The following PITRM1 variants were observed in gnomAD, a reference collection of about 807,000 sequenced individuals.
PITRM1 encodes pitrilysin metallopeptidase 1.
A neutral mutation model predicts 129.9 loss-of-function variants in PITRM1; 100 were observed. The ratio of observed to expected loss-of-function variants is 0.77; its 90% confidence interval spans 0.65 to 0.91. The LOEUF (loss-of-function observed/expected upper bound fraction) is 0.91. Ranked by LOEUF, PITRM1 falls within the 40% of genes least tolerant of loss-of-function variation. The pLI, the probability that PITRM1 is intolerant of heterozygous loss-of-function variation, is 0.00. For missense variants in PITRM1, 1,471 were observed against 1,318.3 expected (o/e 1.12, Z -1.79); for synonymous variants, 591 against 508.8 (o/e 1.16, Z -2.17).
intron 4 of PITRM1, 34 bp downstream of exon 4, chr10:3,166,195 C>G (rs762491870): frequency 6.5e-6 from 10 of 1,531,276 alleles, no homozygotes; most frequent in Middle Eastern, 1.7e-4. Context: ...CTGGCAAACC[C>G]AAAAGCAGTT....
At chr10:3,152,715 G>A (rs1273610068) in intron 14 of PITRM1, among the ~76,000 whole-genome samples, 7 of 152,342 alleles carry the variant, frequency 4.6e-5, no homozygotes, top group South Asian at 2.1e-4. Context: ...CACGCCACTC[G>A]GAGATTTTCT....
At chr10:3,150,864 C>T (rs1025197433) in intron 15 of PITRM1, among the ~76,000 whole-genome samples, 4 of 152,164 alleles carry the variant, frequency 2.6e-5, no homozygotes, top group Admixed American at 6.6e-5. Context: ...GCTCTCGTCC[C>T]TCTGCTTCCT....
At chr10:3,172,482 G>A (rs1843465889) in intron 1 of PITRM1, among the ~76,000 whole-genome samples, 1 of 152,122 alleles carries the variant, frequency 6.6e-6, no homozygotes, top group Non-Finnish European at 1.5e-5. Flanking sequence ...CCGCGGGCAG[G>A]CCCGGCCCCC....
intron 21 of PITRM1, 149 bp downstream of exon 21, chr10:3,145,447 C>T (rs1840753466): frequency 1.5e-6 from 1 of 674,442 alleles, no homozygotes. Context: ...ACTTAATCCT[C>T]CTGAACCTCA....
chr10:3,145,794 C>A, intron 20 of PITRM1, 78 bp from the exon 21 acceptor site: 1 of 1,131,596 alleles, frequency 8.8e-7, no homozygotes, highest in South Asian at 1.4e-5. Context: ...TTGTATAACT[C>A]AATAATGTTG....
intron 13 of PITRM1, 110 bp from the exon 14 acceptor site, chr10:3,155,839 C>T: frequency 1.6e-6 from 2 of 1,257,652 alleles, no homozygotes; most frequent in Non-Finnish European, 2.2e-6. Context: ...TTCCACTTTC[C>T]CACTTTAAAA....
rs749662115 is a variant in PITRM1 at position 3,166,954 on chromosome 10, T to C, written c.248A>G (p.Asp83Gly). Residue 83 changes from aspartate to glycine, a missense_variant, in exon 3 of 27, where the codon GAC becomes GGC. Physicochemically the swap from Asp to Gly is moderately conservative, Grantham distance 94. Coordinates refer to ENST00000224949, the MANE Select transcript of PITRM1 (RefSeq NM_014889.4). ...GARYLHLARE[D>G]TNNLFSVQFR... ...CACACACCTGAACAGATTATTCGTGTCTTCTCTGGCCAGGTGTAAATACCT... is the reference window on the plus strand; with the variant it reads ...CACACACCTGAACAGATTATTCGTGCCTTCTCTGGCCAGGTGTAAATACCT... 22 of 1,604,114 alleles carry C rather than the reference T, an allele frequency of 1.4e-5. No individual in the cohort carries two copies. Among genetic ancestry groups the C allele is most frequent in the Non-Finnish European group, 1.7e-5 (20 of 1,172,212 alleles).
At position 3,147,294 on chromosome 10, in the gene PITRM1, C is replaced by T. The variant is rs147021270; in HGVS notation, c.2236-44G>A. The T allele has an allele frequency of 1.5e-4, 213 of 1,391,786 alleles. 1 individual carries two copies. The African/African-American group carries it at 2.7e-3, about 18-fold the overall frequency. 86.2% of individuals were successfully genotyped at this position (1,391,786 alleles called of 1,614,324 possible). A position where few individuals can be genotyped will look rare whatever the true frequency, so the allele number is the denominator to read the frequency against. On this transcript the variant is annotated intron_variant, in intron 19 of 26. Transcript: ENST00000224949. ...GCTCAGAGAGAGGCAGAGGCTACAA[C>T]AGACCCGCTGAGTCTGAACCAAGCA... is the stretch of plus-strand genomic sequence containing the variant.
chr10:3,171,088 T>G (rs1231542367), intron 1 of PITRM1, among the ~76,000 whole-genome samples: 1 of 127,924 alleles, frequency 7.8e-6, no homozygotes, highest in East Asian at 2.5e-4. Context: ...AGTCCCAAAC[T>G]CAACTCACCC....
intron 7 of PITRM1, among the ~76,000 whole-genome samples, chr10:3,161,040 C>T (rs1040245312): frequency 6.6e-6 from 1 of 152,032 alleles, no homozygotes; most frequent in Non-Finnish European, 1.5e-5. Context: ...GAATTACAGG[C>T]GTGAGCCACC....
Position 3,138,009 on chromosome 10 carries a change from T to A in PITRM1, c.*22A>T, listed in dbSNP as rs1482914604. The A allele has an allele frequency of 6.9e-7, 1 of 1,443,010 alleles. No homozygotes were observed. The highest frequency in any genetic ancestry group is 2.3e-5 in the East Asian group (1 of 42,978). The allele number at this position is 1,443,010 out of a possible 1,614,324, so 89.4% of individuals were successfully genotyped here. Reference sequence around the variant, plus strand: ...GGAGGTGTATTGTCTCGGGCTCCTGTGCAGTCGAGCGCCACGGCTGCTCAT... The same window carrying A: ...GGAGGTGTATTGTCTCGGGCTCCTGAGCAGTCGAGCGCCACGGCTGCTCAT... On this transcript the variant is annotated 3_prime_UTR_variant, in exon 27 of 27. Transcript: ENST00000224949.
chr10:3,147,764 C>G (rs988063099), intron 18 of PITRM1, 27 bp from the exon 19 acceptor site: 1 of 1,550,126 alleles, frequency 6.5e-7, no homozygotes, highest in Admixed American at 2.1e-5. Flanking sequence ...AGAAAAAATT[C>G]CTGGAGACCC....
At chr10:3,159,214 G>A (rs1842234188) in intron 9 of PITRM1, among the ~76,000 whole-genome samples, 172 bp from the exon 10 acceptor site, 2 of 152,162 alleles carry the variant, frequency 1.3e-5, no homozygotes, top group African/African-American at 4.8e-5. Context: ...CGGGATTTTT[G>A]AAGGGGGGCA....
chr10:3,143,957 A>T (rs999212618), intron 22 of PITRM1: 21 of 520,714 alleles, frequency 4.0e-5, no homozygotes, highest in African/African-American at 3.6e-4. Context: ...ACTGGCATCG[A>T]CTCAGCTCGG....
At chr10:3,141,523 C>G (rs1195152086) in intron 23 of PITRM1, 1 of 263,086 alleles carries the variant, frequency 3.8e-6, no homozygotes, top group Non-Finnish European at 8.5e-6. Context: ...AACACACACT[C>G]TCTGATAAAG....
intron 15 of PITRM1, chr10:3,151,039 C>T (rs1226557887): frequency 1.5e-5 from 8 of 522,306 alleles, no homozygotes; most frequent in African/African-American, 7.6e-5. Context: ...CACACACACA[C>T]GGGCTCTTAC....
rs1274433653 is a variant in PITRM1 at position 3,147,842 on chromosome 10, A to G, written c.2070-105T>C. ...TTCAGAGTACTTTAACAACCAAAGAAATTTTATAAGTCCATATGAACTACA... is the reference window on the plus strand; with the variant it reads ...TTCAGAGTACTTTAACAACCAAAGAGATTTTATAAGTCCATATGAACTACA... On this transcript the variant is annotated intron_variant, in intron 18 of 26. Coordinates refer to ENST00000224949, the MANE Select transcript of PITRM1 (RefSeq NM_014889.4). 5 of 1,236,932 alleles carry G rather than the reference A, an allele frequency of 4.0e-6. No homozygotes were observed. In the East Asian group the frequency reaches 1.2e-4, roughly 30 times the overall value. 76.6% of individuals were successfully genotyped at this position (1,236,932 alleles called of 1,614,324 possible). A position where few individuals can be genotyped will look rare whatever the true frequency, so the allele number is the denominator to read the frequency against.
rs551350661 is a variant in PITRM1 at position 3,155,175 on chromosome 10, C to T, written c.1621+416G>A. 3.3e-5 allele frequency among the ~76,000 whole-genome samples: 5 copies of T among 152,302 alleles called. 1 individual carries two copies. The South Asian group carries it at 1.0e-3, about 32-fold the overall frequency. ...CCATCCCTGTGTGCCTCACGCCTGT[C>T]CCACAGAATCCTGGTGCTGCTCTGT... On this transcript the variant is annotated intron_variant, in intron 14 of 26. Coordinates refer to ENST00000224949, the MANE Select transcript of PITRM1 (RefSeq NM_014889.4).
At chr10:3,155,799 G>T in intron 13 of PITRM1, 70 bp from the exon 14 acceptor site, 1 of 1,549,386 alleles carries the variant, frequency 6.5e-7, no homozygotes, top group Non-Finnish European at 8.8e-7. Flanking sequence ...CACTCAACAA[G>T]CTTCTGCTGG....
Sources: allele counts gnomAD v4.1 joint callset (sites outside exome capture counted in the v4.1 genomes callset), GRCh38; gene constraint gnomAD v4.1.1; transcripts MANE v1.5; gene names NCBI Gene and HGNC (gene_info 2026-07-23, HGNC 2026-07-21).